The following ARMH4 variants were observed in gnomAD, a reference collection of about 807,000 sequenced individuals.
ARMH4 encodes the protein armadillo-like helical domain-containing protein 4.
In ARMH4, 49 loss-of-function variants were observed where a neutral mutation model predicts 61.9. The ratio of observed to expected loss-of-function variants is 0.79; its 90% CI spans 0.63 to 1.00. ARMH4 has a LOEUF of 1.00. Among genes scored for constraint, ARMH4 ranks in the 50% least tolerant of loss-of-function variants. The probability of loss-of-function intolerance (pLI) is 0.00; values close to 1 mark genes in which losing one functional copy is unlikely to be tolerated. For synonymous variants in ARMH4, 368 were observed against 341.5 expected (o/e 1.08, Z -0.85); for missense variants, 934 against 930.0 (o/e 1.00, Z -0.06).
intron 6 of ARMH4, among the ~76,000 whole-genome samples, chr14:58,006,480 A>G (rs1299810782): frequency 1.3e-5 from 2 of 152,264 alleles, no homozygotes; most frequent in African/African-American, 2.4e-5. Context: ...CAAAGAATAC[A>G]TCAGAGTTTA....
At chr14:58,097,033 G>T (rs773747631) in intron 4 of ARMH4, 52 bp from the exon 5 acceptor site, 3 of 1,538,494 alleles carry the variant, frequency 1.9e-6, no homozygotes, top group Non-Finnish European at 2.7e-6. Flanking sequence ...AGTTTATGCT[G>T]AAACAAATGA....
At chr14:58,150,048 C>T (rs889652313) in intron 1 of ARMH4, among the ~76,000 whole-genome samples, 3 of 152,156 alleles carry the variant, frequency 2.0e-5, no homozygotes, top group Non-Finnish European at 2.9e-5. Flanking sequence ...CTGCAGAATC[C>T]TATCCTGATG....
At chr14:58,097,520 G>A (rs1885794344) in intron 4 of ARMH4, among the ~76,000 whole-genome samples, 1 of 152,120 alleles carries the variant, frequency 6.6e-6, no homozygotes, top group Non-Finnish European at 1.5e-5. Flanking sequence ...CTAAGGAAGA[G>A]TAATCCAAGA....
chr14:58,066,845 C>T (rs1476451079), intron 5 of ARMH4, among the ~76,000 whole-genome samples: 4 of 152,142 alleles, frequency 2.6e-5, no homozygotes, highest in Non-Finnish European at 5.9e-5. Flanking sequence ...ATTTTAGAAA[C>T]ATCTAAGTGT....
intron 5 of ARMH4, among the ~76,000 whole-genome samples, chr14:58,069,031 G>A (rs1422129813): frequency 6.7e-6 from 1 of 149,758 alleles, no homozygotes; most frequent in Non-Finnish European, 1.5e-5. Context: ...AAGAGAGACA[G>A]AGATAAAAAG....
At chr14:58,151,575 G>A (rs1428158435) in intron 1 of ARMH4, among the ~76,000 whole-genome samples, 1 of 152,212 alleles carries the variant, frequency 6.6e-6, no homozygotes, top group Non-Finnish European at 1.5e-5. Flanking sequence ...GACATATTTC[G>A]GTGGTGACCG....
intron 1 of ARMH4, among the ~76,000 whole-genome samples, chr14:58,140,730 G>A (rs940958246): frequency 2.6e-5 from 4 of 151,860 alleles, no homozygotes; most frequent in East Asian, 1.9e-4. Flanking sequence ...GTGAAACCCC[G>A]TCTTGACTAA....
rs1555338495 is a variant in ARMH4 at position 58,054,883 on chromosome 14, A to AATAAT, written c.2089+41840_2089+41841insATTAT. ...GGACTCTGTCTCAAAAAAAAAAAAA[A>AATAAT]AATAATAATAATAATAATAATAATA... On this transcript the variant is annotated intron_variant, in intron 5 of 7. Coordinates refer to ENST00000267485, the MANE Select transcript of ARMH4 (RefSeq NM_001001872.4). Among the ~76,000 whole-genome samples the AATAAT allele has an allele frequency of 2.0e-3, 280 of 138,448 alleles. 1 individual carries two copies. The highest frequency in any genetic ancestry group is 5.3e-3 in the South Asian group (23 of 4,336). 90.8% of individuals were successfully genotyped at this position (138,448 alleles called of 152,430 possible). A position where few individuals can be genotyped will look rare whatever the true frequency, so the allele number is the denominator to read the frequency against.
chr14:58,119,805 T>C (rs1353326171), intron 4 of ARMH4, among the ~76,000 whole-genome samples: 1 of 152,202 alleles, frequency 6.6e-6, no homozygotes, highest in Non-Finnish European at 1.5e-5. Context: ...TCTTAAGAAA[T>C]AATTCATCTA....
chr14:58,008,600 T>C (rs1427602389), intron 6 of ARMH4, among the ~76,000 whole-genome samples: 3 of 152,198 alleles, frequency 2.0e-5, no homozygotes, highest in African/African-American at 7.2e-5. Flanking sequence ...GTCTGCAGAA[T>C]TGACACAGCA....
At chr14:58,104,957 CA>C (rs2141277730) in intron 4 of ARMH4, among the ~76,000 whole-genome samples, 1 of 152,316 alleles carries the variant, frequency 6.6e-6, no homozygotes, top group East Asian at 1.9e-4. Flanking sequence ...CTTGCAACCA[CA>C]AAGTCAACAT....
chr14:58,079,476 G>A (rs1252750977), intron 5 of ARMH4, among the ~76,000 whole-genome samples: 5 of 152,124 alleles, frequency 3.3e-5, no homozygotes, highest in African/African-American at 9.7e-5. Flanking sequence ...ACAGGGCTCT[G>A]CCCCCATGAT....
intron 5 of ARMH4, among the ~76,000 whole-genome samples, chr14:58,041,176 C>T (rs968880821): frequency 2.6e-5 from 4 of 152,104 alleles, no homozygotes; most frequent in Non-Finnish European, 5.9e-5. Context: ...TCGCCTCACC[C>T]GGGAAGCGTA....
intron 5 of ARMH4, among the ~76,000 whole-genome samples, chr14:58,020,555 A>G (rs1042175436): frequency 6.6e-6 from 1 of 151,192 alleles, no homozygotes; most frequent in Admixed American, 6.6e-5. Flanking sequence ...CTGTTGCTCT[A>G]TTATCTTTCT....
intron 5 of ARMH4, among the ~76,000 whole-genome samples, chr14:58,059,169 T>C (rs964662305): frequency 6.6e-6 from 1 of 152,230 alleles, no homozygotes; most frequent in Non-Finnish European, 1.5e-5. Flanking sequence ...GAAGGTCCTG[T>C]GGGGTTTAAG....
chr14:58,064,891 C>T (rs966811865), intron 5 of ARMH4, among the ~76,000 whole-genome samples: 5 of 152,154 alleles, frequency 3.3e-5, no homozygotes, highest in African/African-American at 1.2e-4. Context: ...TTTCAGAGTA[C>T]ATCTAGGTAA....
chr14:58,115,316 GA>G (rs1462553849), intron 4 of ARMH4, among the ~76,000 whole-genome samples: 1 of 151,960 alleles, frequency 6.6e-6, no homozygotes, highest in Non-Finnish European at 1.5e-5. Flanking sequence ...GAAGACTTAT[GA>G]AAAAATGCTC....
chr14:58,017,157 A>T (rs997975008), intron 5 of ARMH4, among the ~76,000 whole-genome samples: 5 of 152,008 alleles, frequency 3.3e-5, no homozygotes, highest in Admixed American at 3.3e-4. Flanking sequence ...CTCTACAAAA[A>T]ATACAAAAAT....
At chr14:58,104,655 A>T (rs1181675419) in intron 4 of ARMH4, among the ~76,000 whole-genome samples, 1 of 152,220 alleles carries the variant, frequency 6.6e-6, no homozygotes, top group Non-Finnish European at 1.5e-5. Flanking sequence ...ATCAGTAACA[A>T]AAAAAGATAT....
Sources: gnomAD v4.1 joint callset for allele counts (sites outside exome capture counted in the v4.1 genomes callset) on GRCh38, gnomAD v4.1.1 for gene constraint, MANE v1.5 for transcripts, NCBI Gene and HGNC (gene_info 2026-07-23, HGNC 2026-07-21) for gene names.